MRM3: variants seen among roughly 807,000 people sequenced by gnomAD.
The protein encoded by MRM3 is rRNA methyltransferase 3, mitochondrial.
MRM3 carries 26 observed loss-of-function variants against 29.4 expected under a neutral mutation model. The observed-to-expected ratio is 0.89, with a 90% confidence interval of 0.65 to 1.23. The LOEUF (loss-of-function observed/expected upper bound fraction) is 1.23. Among genes scored for constraint, MRM3 ranks in the 50% most tolerant of loss-of-function variants. The probability of loss-of-function intolerance (pLI) is 0.00; values close to 1 mark genes in which losing one functional copy is unlikely to be tolerated. For synonymous variants in MRM3, 225 were observed against 219.0 expected, an observed-to-expected ratio of 1.03 and a Z score of -0.24; for missense variants, 578 against 540.2, an observed-to-expected ratio of 1.07 and a Z score of -0.69.
intron 1 of MRM3, 35 bp from the exon 2 acceptor site, chr17:783,047 TA>T (rs1181454161): frequency 3.9e-6 from 6 of 1,539,110 alleles, no homozygotes; most frequent in Non-Finnish European, 5.2e-6. Context: ...AGGATGTTGA[TA>T]GTTACCTGTT....
Position 788,051 on chromosome 17 carries a change from A to C in MRM3, c.646A>C (p.Asn216His). ...ACTGCCTTTATTATTGATTTGTGAC[A>C]ATCTCCGTGACCCTGGGAACCTGGG... ...HSLPLLLICD[N>H]LRDPGNLGTI... Residue 216 changes from asparagine (N) to histidine (H), a missense_variant, in exon 3 of 4, where the codon AAT becomes CAT. Transcript: ENST00000304478. 1 of 1,614,166 alleles carries C rather than the reference A, an allele frequency of 6.2e-7. No individual in the cohort carries two copies. Among genetic ancestry groups the C allele is most frequent in the South Asian group, 1.1e-5 (1 of 91,084 alleles).
intron 3 of MRM3, 102 bp from the exon 4 acceptor site, chr17:791,432 G>T: frequency 8.2e-7 from 1 of 1,212,738 alleles, no homozygotes; most frequent in East Asian, 2.5e-5. Context: ...TATCATAGAA[G>T]AACTGGTTTA....
chr17:783,571 A>C, intron 2 of MRM3: 1 of 350,616 alleles, frequency 2.9e-6, no homozygotes, highest in Non-Finnish European at 5.4e-6. Context: ...TTGTGACCTC[A>C]GGTGATCCTC....
chr17:785,411 A>G (rs1597594863), intron 2 of MRM3, among the ~76,000 whole-genome samples: 1 of 152,156 alleles, frequency 6.6e-6, no homozygotes, highest in African/African-American at 2.4e-5. Flanking sequence ...GTAGATTATT[A>G]TATAATGTAT....
chr17:790,744 A>G (rs55688546), intron 3 of MRM3, among the ~76,000 whole-genome samples: 2 of 90,570 alleles, frequency 2.2e-5, no homozygotes, highest in African/African-American at 1.4e-4. Context: ...CAACTGTGCC[A>G]CCACACCCCC....
chr17:788,738 C>T (rs965411754), intron 3 of MRM3, among the ~76,000 whole-genome samples: 17 of 151,742 alleles, frequency 1.1e-4, no homozygotes, highest in Admixed American at 9.2e-4. Flanking sequence ...TGAATAACCA[C>T]GCCCAGCCAA....
At chr17:790,954 C>T (rs1308360766) in intron 3 of MRM3, among the ~76,000 whole-genome samples, 67 of 121,942 alleles carry the variant, frequency 5.5e-4, no homozygotes, top group African/African-American at 2.1e-3. Flanking sequence ...CTCAACTGTG[C>T]CACCACACCC....
rs1301323553 is a variant in MRM3, at chr17:782,582, G to A, written c.204G>A (p.Gln68=). 1.2e-6 allele frequency: 2 copies of A among 1,614,100 alleles called. No homozygotes were observed. The highest frequency in any genetic ancestry group is 1.7e-6 in the Non-Finnish European group (2 of 1,180,004). Residue 68 remains glutamine, a synonymous_variant, in exon 1 of 4, where the codon CAG becomes CAA. Transcript: ENST00000304478. ...AGGCACCATCTGAGGCCAGTGCCCAGGAGCAACGAGAGAAACAACCGCTCG... is the reference window on the plus strand; with the variant it reads ...AGGCACCATCTGAGGCCAGTGCCCAAGAGCAACGAGAGAAACAACCGCTCG... ...PRKAPSEASA[Q]EQREKQPLEE...
rs1161974140 is a variant in MRM3, at chr17:782,701, G to C, written c.314+9G>C. The stretch of plus-strand genomic sequence containing the variant: ...GGGGACAGGAGGCTGAGGTGATGTG[G>C]TTCTTGAGCCTGTCGAATGTTCTCG... On this transcript the variant is annotated intron_variant, in intron 1 of 3. Transcript: ENST00000304478. The C allele has an allele frequency of 6.3e-7, 1 of 1,586,460 alleles. No individual in the cohort carries two copies. The highest frequency in any genetic ancestry group is 8.6e-7 in the Non-Finnish European group (1 of 1,161,574).
intron 1 of MRM3, 29 bp downstream of exon 1, chr17:782,721 T>C: frequency 6.4e-7 from 1 of 1,568,480 alleles, no homozygotes; most frequent in Non-Finnish European, 8.7e-7. Flanking sequence ...CTGTCGAATG[T>C]TCTCGTTTCC....
Position 782,645 on chromosome 17 carries a change from G to C in MRM3, c.267G>C (p.Glu89Asp). 2 of 1,613,240 alleles carry C rather than the reference G, an allele frequency of 1.2e-6. No homozygotes were observed. The highest frequency in any genetic ancestry group is 1.7e-6 in the Non-Finnish European group (2 of 1,179,426). The change falls in exon 1 of 4, where the codon GAG (glutamate) becomes GAC (aspartate). Residue 89 changes from glutamate (E) to aspartate (D), a missense_variant. Physicochemically the swap from Glu to Asp is conservative, Grantham distance 45. Coordinates refer to ENST00000304478, the MANE Select transcript of MRM3 (RefSeq NM_018146.4). The stretch of plus-strand genomic sequence containing the variant: ...CCCGCGCTCCCAGCACCTGGGAAGA[G>C]TCTGGGCTTCGCTACGATAAAGCTT... The part of the protein sequence containing the change: ...SASRAPSTWE[E>D]SGLRYDKAYP...
chr17:791,890 G>A lies in MRM3; in HGVS notation c.1084G>A (p.Val362Met), dbSNP rs773649123. 3 of 1,613,802 alleles carry A rather than the reference G, an allele frequency of 1.9e-6. No individual in the cohort carries two copies. Among genetic ancestry groups the A allele is most frequent in the Admixed American group, 1.7e-5 (1 of 60,006 alleles). Residue 362 changes from valine (V) to methionine (M), a missense_variant, in exon 4 of 4, where the codon GTG (valine) becomes ATG (methionine). Coordinates refer to ENST00000304478, the MANE Select transcript of MRM3 (RefSeq NM_018146.4). Reference protein sequence around the residue: ...AVVIGGETYGVSLESLQLAES... With the variant: ...AVVIGGETYGMSLESLQLAES... Reference sequence around the variant, plus strand: ...GGTGATTGGCGGGGAGACCTACGGCGTGAGCCTGGAGTCCCTGCAGCTGGC... The same window carrying A: ...GGTGATTGGCGGGGAGACCTACGGCATGAGCCTGGAGTCCCTGCAGCTGGC...
rs993827635 is a variant in MRM3, at chr17:791,764, G to A, written c.958G>A (p.Glu320Lys). 2 of 1,614,094 alleles carry A rather than the reference G, an allele frequency of 1.2e-6. No individual in the cohort carries two copies. The highest frequency in any genetic ancestry group is 2.7e-5 in the African/African-American group (2 of 74,942). ...DQRVMKFHKY[E>K]EEEDVETGAS... ...ACGAGTGATGAAGTTTCACAAGTAT[G>A]AGGAAGAGGAAGATGTAGAAACCGG... Residue 320 changes from glutamate to lysine, a missense_variant, in exon 4 of 4, where the codon GAG becomes AAG. By Grantham distance (56) the Glu-to-Lys change is moderately conservative. Transcript: ENST00000304478.
chr17:788,957 C>T (rs1285948947), intron 3 of MRM3, among the ~76,000 whole-genome samples: 1 of 152,142 alleles, frequency 6.6e-6, no homozygotes, highest in Admixed American at 6.5e-5. Flanking sequence ...ACCTGCCTCA[C>T]GAGTAATTCA....
At chr17:785,732 A>G (rs73975523) in intron 2 of MRM3, among the ~76,000 whole-genome samples, 2,247 of 152,356 alleles carry the variant, frequency 0.015, 67 homozygotes, top group African/African-American at 0.051. Context: ...ACTTTGATGC[A>G]TTCAAGTTTT....
At chr17:790,499 G>T (rs968191093) in intron 3 of MRM3, 5 of 194,216 alleles carry the variant, frequency 2.6e-5, no homozygotes, top group Non-Finnish European at 5.5e-5. Flanking sequence ...TGCCACTACA[G>T]CCCCAGCGCT....
Position 791,783 on chromosome 17 carries a change from A to C in MRM3, c.977A>C (p.Glu326Ala), listed in dbSNP as rs1390540530. ...FHKYEEEEDV[E>A]TGASQDWLPH... The stretch of plus-strand genomic sequence containing the variant: ...AAGTATGAGGAAGAGGAAGATGTAG[A>C]AACCGGAGCCAGTCAAGATTGGCTG... Residue 326 changes from glutamate (E) to alanine (A), a missense_variant, in exon 4 of 4, where the codon GAA becomes GCA. Physicochemically the swap from Glu to Ala is moderately radical, Grantham distance 107 (BLOSUM62 -1). Coordinates refer to ENST00000304478, the MANE Select transcript of MRM3 (RefSeq NM_018146.4). 1.9e-6 allele frequency: 3 copies of C among 1,614,238 alleles called. No individual in the cohort carries two copies. The South Asian group carries it at 3.3e-5, about 18-fold the overall frequency.
chr17:792,180 T>G lies in MRM3; in HGVS notation c.*111T>G, dbSNP rs1307682413. On this transcript the variant is annotated 3_prime_UTR_variant, in exon 4 of 4. Transcript: ENST00000304478. ...ATGGCCCCCACGTTCAGGAGGAAGG[T>G]GTGATGCCGTCATACAGTTACAGGA... 1 of 1,057,560 alleles carries G rather than the reference T, an allele frequency of 9.5e-7. No homozygotes were observed. The highest frequency in any genetic ancestry group is 1.6e-5 in the African/African-American group (1 of 62,746). The allele number at this position is 1,057,560 out of a possible 1,614,324, so 65.5% of individuals were successfully genotyped here.
At chr17:790,115 TC>T (rs1910721507) in intron 3 of MRM3, 1 of 152,252 alleles carries the variant, frequency 6.6e-6, no homozygotes, top group Non-Finnish European at 1.5e-5. Flanking sequence ...CTAAAATAAC[TC>T]GTCAGGAGAA....
Sources: allele counts gnomAD v4.1 joint callset (sites outside exome capture counted in the v4.1 genomes callset), GRCh38; gene constraint gnomAD v4.1.1; transcripts MANE v1.5; gene names NCBI Gene and HGNC (gene_info 2026-07-23, HGNC 2026-07-21).